The following DENND1A variants were observed in gnomAD, a reference collection of about 807,000 sequenced individuals.
DENND1A encodes the protein DENN domain-containing protein 1A.
In DENND1A, 51 loss-of-function variants were observed where a neutral mutation model predicts 113.7. The observed-to-expected ratio is 0.45, with a 90% CI of 0.36 to 0.57. The LOEUF (loss-of-function observed/expected upper bound fraction) is 0.57, where lower values mean the gene tolerates loss of function less well. Among genes scored for constraint, DENND1A ranks in the 20% least tolerant of loss-of-function variants. The probability of loss-of-function intolerance (pLI) is 0.00; values close to 1 mark genes in which losing one functional copy is unlikely to be tolerated. For synonymous variants in DENND1A, 565 were observed against 570.8 expected (o/e 0.99, Z 0.14); for missense variants, 1,258 against 1,395.9 (o/e 0.90, Z 1.57).
chr9:123,523,329 C>G (rs1450261676), intron 13 of DENND1A, among the ~76,000 whole-genome samples: 1 of 152,168 alleles, frequency 6.6e-6, no homozygotes, highest in East Asian at 1.9e-4. Flanking sequence ...TTGTGGAGGC[C>G]TGCCCCACAA....
intron 13 of DENND1A, among the ~76,000 whole-genome samples, chr9:123,478,713 T>A (rs1483699903): frequency 6.6e-6 from 1 of 152,238 alleles, no homozygotes; most frequent in African/African-American, 2.4e-5. Flanking sequence ...ATGTTAATGG[T>A]ACAACCTAGA....
intron 2 of DENND1A, among the ~76,000 whole-genome samples, chr9:123,870,223 C>T (rs2133406016): frequency 6.6e-6 from 1 of 151,664 alleles, no homozygotes; most frequent in African/African-American, 2.4e-5. Flanking sequence ...CCACATTAAC[C>T]TTATCTGACT....
At chr9:123,529,057 A>C (rs370698527) in intron 13 of DENND1A, among the ~76,000 whole-genome samples, 6 of 152,150 alleles carry the variant, frequency 3.9e-5, no homozygotes, top group African/African-American at 1.4e-4. Flanking sequence ...ATTGCATTGC[A>C]ACTGTGTTTC....
chr9:123,749,223 T>A (rs1313283555), intron 5 of DENND1A, among the ~76,000 whole-genome samples: 1 of 152,224 alleles, frequency 6.6e-6, no homozygotes. Flanking sequence ...ATTTTCATCA[T>A]TTATAAGATG....
At chr9:123,906,309 A>G (rs1424634045) in intron 1 of DENND1A, among the ~76,000 whole-genome samples, 1 of 136,174 alleles carries the variant, frequency 7.3e-6, no homozygotes, top group Admixed American at 6.8e-5. Context: ...TAGAAAAGCA[A>G]GAGCAAACAC....
chr9:123,813,947 C>A (rs1837051789), intron 2 of DENND1A, among the ~76,000 whole-genome samples: 1 of 152,158 alleles, frequency 6.6e-6, no homozygotes, highest in Non-Finnish European at 1.5e-5. Flanking sequence ...AAATGCCTAA[C>A]TGATACTACT....
chr9:123,747,233 T>C (rs2069593449), intron 5 of DENND1A, among the ~76,000 whole-genome samples: 1 of 152,142 alleles, frequency 6.6e-6, no homozygotes, highest in Non-Finnish European at 1.5e-5. Context: ...ATGTAAAATT[T>C]TTCAAGTCAA....
chr9:123,383,303 T>C (rs1429392624), intron 23 of DENND1A, among the ~76,000 whole-genome samples: 4 of 152,238 alleles, frequency 2.6e-5, no homozygotes, highest in Non-Finnish European at 4.4e-5. Flanking sequence ...CCACAGGCTC[T>C]GCCAAGGAGC....
At chr9:123,583,073 C>T in intron 12 of DENND1A, 96 bp downstream of exon 12, 1 of 902,518 alleles carries the variant, frequency 1.1e-6, no homozygotes, top group East Asian at 2.6e-5. Flanking sequence ...ACAGGAAAAC[C>T]CTCGCTATTT....
chr9:123,607,543 A>AGTGTGTGTGTGT (rs1270262038), intron 11 of DENND1A, among the ~76,000 whole-genome samples: 2 of 123,388 alleles, frequency 1.6e-5, no homozygotes, highest in African/African-American at 6.2e-5. Flanking sequence ...AGAGAGAGAG[A>AGTGTGTGTGTGT]GAGAGTGTGT....
At chr9:123,895,087 C>T (rs923770997) in intron 1 of DENND1A, among the ~76,000 whole-genome samples, 37 of 151,048 alleles carry the variant, frequency 2.4e-4, no homozygotes, top group African/African-American at 8.0e-4. Context: ...AGACAGGGTG[C>T]TGCCATATTG....
intron 13 of DENND1A, among the ~76,000 whole-genome samples, chr9:123,498,293 G>A (rs1447877381): frequency 6.6e-6 from 1 of 152,218 alleles, no homozygotes; most frequent in Non-Finnish European, 1.5e-5. Flanking sequence ...CTGTGGGGAA[G>A]GAATTCTTAT....
At position 123,381,419 on chromosome 9, in the gene DENND1A, C is replaced by G. The variant is rs1412107082; in HGVS notation, c.*13G>C. The G allele has an allele frequency of 6.2e-7, 1 of 1,612,134 alleles. No homozygotes were observed. Among genetic ancestry groups the G allele is most frequent in the Non-Finnish European group, 8.5e-7 (1 of 1,179,514 alleles). ...CTCGGGCCTCGGTGCATCCCCCACCCTCAGGGCCCGGCTCACTCGAAGGTC... is the reference window on the plus strand; with the variant it reads ...CTCGGGCCTCGGTGCATCCCCCACCGTCAGGGCCCGGCTCACTCGAAGGTC... On this transcript the variant is annotated 3_prime_UTR_variant, in exon 24 of 24. Coordinates refer to ENST00000394215, the MANE Select transcript of DENND1A (RefSeq NM_001352964.2). This position sits in a 1 kb window ranked among gnomAD's most constrained non-coding sequence, Gnocchi z 4.7.
intron 5 of DENND1A, among the ~76,000 whole-genome samples, chr9:123,711,514 T>TATATATATAC (rs1491280465): frequency 2.0e-4 from 4 of 20,464 alleles, no homozygotes; most frequent in African/African-American, 1.7e-3. Context: ...TGTATATATG[T>TATATATATAC]ATATATATAT....
intron 3 of DENND1A, 106 bp downstream of exon 3, chr9:123,792,481 C>T: frequency 2.5e-6 from 3 of 1,196,852 alleles, no homozygotes; most frequent in Non-Finnish European, 3.5e-6. Flanking sequence ...CTTTTCTTCC[C>T]TTCTAAAAAT....
intron 13 of DENND1A, among the ~76,000 whole-genome samples, chr9:123,504,924 C>T (rs985410695): frequency 7.9e-5 from 12 of 152,170 alleles, no homozygotes; most frequent in Admixed American, 2.6e-4. Context: ...CCAACAGTCA[C>T]GATGAACCAC....
chr9:123,561,768 A>C (rs751488319), intron 12 of DENND1A, among the ~76,000 whole-genome samples: 2 of 152,126 alleles, frequency 1.3e-5, no homozygotes, highest in Non-Finnish European at 2.9e-5. Context: ...GCTTCTGTCT[A>C]AGACGCCCTT....
chr9:123,385,887 G>T (rs2042537752), intron 22 of DENND1A, among the ~76,000 whole-genome samples: 2 of 152,196 alleles, frequency 1.3e-5, no homozygotes, highest in African/African-American at 2.4e-5. Context: ...AAGGGTTAAA[G>T]TCAGTCAGTG....
At chr9:123,637,734 C>T (rs1340856723) in intron 9 of DENND1A, among the ~76,000 whole-genome samples, 3 of 152,164 alleles carry the variant, frequency 2.0e-5, no homozygotes, top group African/African-American at 4.8e-5. Context: ...AGATGCCGGA[C>T]ATGTGAGTAG....
Sources: allele counts gnomAD v4.1 joint callset (sites outside exome capture counted in the v4.1 genomes callset), GRCh38; gene constraint gnomAD v4.1.1; non-coding constraint Gnocchi (gnomAD v3.1); transcripts MANE v1.5; gene names NCBI Gene and HGNC (gene_info 2026-07-23, HGNC 2026-07-21).